Variants in HEMK2 observed in about 807,000 individuals in gnomAD.
HEMK2 encodes HemK methyltransferase 2, ETF1 glutamine and histone H4 lysine.
the HEMK2 span, among the ~76,000 whole-genome samples, chr21:28,717,718 G>A: frequency 9.2e-5 from 14 of 152,054 alleles, no homozygotes; most frequent in Admixed American, 3.3e-4. Context: ...GACCTCAGGT[G>A]ATCTGCCCAT....
At chr21:28,865,109 C>T in the HEMK2 span, among the ~76,000 whole-genome samples, 19 of 152,164 alleles carry the variant, frequency 1.2e-4, no homozygotes, top group Middle Eastern at 3.2e-3. Flanking sequence ...TCCTGATTAA[C>T]CTGCCTCTAG....
chr21:28,654,939 A>G, the HEMK2 span, among the ~76,000 whole-genome samples: 1 of 152,066 alleles, frequency 6.6e-6, no homozygotes, highest in African/African-American at 2.4e-5. Context: ...TGTAAAAGAC[A>G]TGTACTTGCT....
At chr21:28,590,660 A>G in the HEMK2 span, among the ~76,000 whole-genome samples, 1 of 152,350 alleles carries the variant, frequency 6.6e-6, no homozygotes, top group African/African-American at 2.4e-5. Context: ...GCATCTGCCA[A>G]TTATGAAGCA....
the HEMK2 span, among the ~76,000 whole-genome samples, chr21:28,768,458 C>T: frequency 1.1e-3 from 163 of 152,082 alleles, no homozygotes; most frequent in African/African-American, 3.8e-3. Flanking sequence ...ATGGAAATAC[C>T]CATTCTTTTT....
At chr21:28,872,799 G>T in the HEMK2 span, 152,234 of 152,234 alleles carry the variant, frequency 1, 76,117 homozygotes, top group Non-Finnish European at 1. Context: ...AAAAGGGGGG[G>T]GAATTCTTCC....
chr21:28,601,767 A>G, the HEMK2 span, among the ~76,000 whole-genome samples: 1 of 152,082 alleles, frequency 6.6e-6, no homozygotes, highest in Non-Finnish European at 1.5e-5. Context: ...CAGACTATTA[A>G]GTACTCAACA....
At chr21:28,685,040 G>T in the HEMK2 span, among the ~76,000 whole-genome samples, 955 of 152,238 alleles carry the variant, frequency 6.3e-3, 7 homozygotes, top group Non-Finnish European at 0.011. Flanking sequence ...GTTTTAAAGG[G>T]AGAATGAGAG....
the HEMK2 span, among the ~76,000 whole-genome samples, chr21:28,835,096 G>A: frequency 6.6e-6 from 1 of 152,050 alleles, no homozygotes; most frequent in South Asian, 2.1e-4. Context: ...ATAATCTTGA[G>A]AGTTCTAGGG....
chr21:28,766,305 AT>A, the HEMK2 span, among the ~76,000 whole-genome samples: 11,946 of 148,374 alleles, frequency 0.081, 1,059 homozygotes, highest in African/African-American at 0.21. Context: ...AAGTATAATG[AT>A]TTTTTTTTTT....
the HEMK2 span, among the ~76,000 whole-genome samples, chr21:28,713,047 A>G: frequency 6.6e-6 from 1 of 152,160 alleles, no homozygotes; most frequent in Non-Finnish European, 1.5e-5. Context: ...GGACAAAGGT[A>G]CTCTGCAAAG....
the HEMK2 span, among the ~76,000 whole-genome samples, chr21:28,688,679 A>G: frequency 6.6e-6 from 1 of 152,204 alleles, no homozygotes; most frequent in Admixed American, 6.5e-5. Context: ...GAATTCAGAT[A>G]TGTACACTAC....
the HEMK2 span, among the ~76,000 whole-genome samples, chr21:28,620,720 C>T: frequency 2.3e-3 from 270 of 119,892 alleles, 2 homozygotes; most frequent in African/African-American, 8.6e-3. Context: ...GCCACCCATG[C>T]TAGAGTGCAG....
the HEMK2 span, among the ~76,000 whole-genome samples, chr21:28,654,795 T>C: frequency 1.3e-5 from 2 of 152,106 alleles, no homozygotes; most frequent in Non-Finnish European, 2.9e-5. Flanking sequence ...TTAGTTGTTT[T>C]CTGCAATAGG....
the HEMK2 span, among the ~76,000 whole-genome samples, chr21:28,727,304 G>C: frequency 6.6e-6 from 1 of 152,150 alleles, no homozygotes; most frequent in African/African-American, 2.4e-5. Context: ...TGGAATAATT[G>C]TATGGTCCCA....
At chr21:28,813,240 C>T in the HEMK2 span, among the ~76,000 whole-genome samples, 1 of 152,124 alleles carries the variant, frequency 6.6e-6, no homozygotes, top group Admixed American at 6.5e-5. Flanking sequence ...AGCTGATAAG[C>T]AATTTCAGCA....
At chr21:28,782,557 C>A in the HEMK2 span, among the ~76,000 whole-genome samples, 2 of 151,896 alleles carry the variant, frequency 1.3e-5, no homozygotes, top group Non-Finnish European at 2.9e-5. Context: ...AAAGGAGACA[C>A]GAATAATCAA....
At chr21:28,715,122 T>C in the HEMK2 span, among the ~76,000 whole-genome samples, 1 of 152,174 alleles carries the variant, frequency 6.6e-6, no homozygotes, top group Non-Finnish European at 1.5e-5. Flanking sequence ...GTGTTTTTGG[T>C]AGAATGATTT....
chr21:28,605,933 G>T, the HEMK2 span, among the ~76,000 whole-genome samples: 15,587 of 152,138 alleles, frequency 0.1, 1,372 homozygotes, highest in African/African-American at 0.23. Flanking sequence ...AAAATTGCTT[G>T]CTTGACCTGT....
the HEMK2 span, among the ~76,000 whole-genome samples, chr21:28,804,453 G>C: frequency 5.8e-4 from 88 of 152,252 alleles, no homozygotes; most frequent in Non-Finnish European, 1.1e-3. Context: ...TAAATGTTGA[G>C]GCCGGGCACA....
Sources: allele counts gnomAD v4.1 joint callset (sites outside exome capture counted in the v4.1 genomes callset), GRCh38; gene constraint gnomAD v4.1.1; transcripts MANE v1.5; gene names NCBI Gene and HGNC (gene_info 2026-07-23, HGNC 2026-07-21).